Variants in NAALADL2 observed in about 807,000 individuals in gnomAD.
NAALADL2 encodes the protein N-acetylated alpha-linked acidic dipeptidase like 2.
A neutral mutation model predicts 87.2 loss-of-function variants in NAALADL2; 76 were observed. The ratio of observed to expected loss-of-function variants is 0.87; its 90% CI spans 0.72 to 1.05. The LOEUF is 1.05. Among genes scored for constraint, NAALADL2 ranks in the 50% least tolerant of loss-of-function variants. NAALADL2 has a pLI of 0.00. For missense variants in NAALADL2, 1,089 were observed against 945.8 expected (o/e 1.15, Z -1.99); for synonymous variants, 354 against 331.0 (o/e 1.07, Z -0.75).
At chr3:175,762,589 A>T (rs1297163297) in intron 13 of NAALADL2, among the ~76,000 whole-genome samples, 1 of 152,164 alleles carries the variant, frequency 6.6e-6, no homozygotes, top group Non-Finnish European at 1.5e-5. Context: ...GCTATTAACC[A>T]AGGGAGACAT....
intron 2 of NAALADL2, among the ~76,000 whole-genome samples, chr3:174,707,638 G>A (rs1730221857): frequency 7.6e-6 from 1 of 131,268 alleles, no homozygotes; most frequent in South Asian, 3.0e-4. Flanking sequence ...ACACACTGGG[G>A]CCTGTTGTGG....
chr3:175,111,754 A>G (rs1218306525), intron 2 of NAALADL2, among the ~76,000 whole-genome samples: 1 of 151,634 alleles, frequency 6.6e-6, no homozygotes. Context: ...TCAGACAGTC[A>G]GGAAAGGGAA....
intron 5 of NAALADL2, among the ~76,000 whole-genome samples, chr3:175,359,952 G>C (rs1325873973): frequency 6.6e-6 from 1 of 152,064 alleles, no homozygotes; most frequent in Non-Finnish European, 1.5e-5. Context: ...TTTTTTAACT[G>C]TATCTTTTCT....
At chr3:175,618,599 T>G (rs893332637) in intron 10 of NAALADL2, among the ~76,000 whole-genome samples, 1 of 152,150 alleles carries the variant, frequency 6.6e-6, no homozygotes, top group Non-Finnish European at 1.5e-5. Context: ...AGGTTGCTTA[T>G]TCATCTGGAA....
intron 9 of NAALADL2, among the ~76,000 whole-genome samples, chr3:175,518,894 T>C (rs1428294137): frequency 6.6e-6 from 1 of 152,224 alleles, no homozygotes; most frequent in Admixed American, 6.5e-5. Flanking sequence ...ACAAATTGTT[T>C]TAATATGTAT....
intron 3 of NAALADL2, among the ~76,000 whole-genome samples, chr3:174,744,517 A>G (rs1009790488): frequency 2.0e-5 from 3 of 152,108 alleles, no homozygotes; most frequent in Admixed American, 6.6e-5. Context: ...TTAACAGCCC[A>G]CTGTCAATAT....
At chr3:175,266,855 G>A (rs2109963069) in intron 4 of NAALADL2, among the ~76,000 whole-genome samples, 1 of 151,754 alleles carries the variant, frequency 6.6e-6, no homozygotes, top group Non-Finnish European at 1.5e-5. Context: ...GTACAACCTG[G>A]TGAAGGTATT....
At chr3:174,603,586 T>A (rs1718667313) in intron 2 of NAALADL2, among the ~76,000 whole-genome samples, 1 of 151,982 alleles carries the variant, frequency 6.6e-6, no homozygotes, top group African/African-American at 2.4e-5. Flanking sequence ...TATGTATTTT[T>A]TCCAATTTTA....
intron 5 of NAALADL2, among the ~76,000 whole-genome samples, chr3:175,423,056 T>A (rs865835654): frequency 0.019 from 786 of 41,518 alleles, 3 homozygotes; most frequent in Non-Finnish European, 0.038. Context: ...TATATATTTT[T>A]TTTTTTTCCT....
At chr3:174,910,553 A>G (rs1306777581) in intron 1 of NAALADL2, among the ~76,000 whole-genome samples, 1 of 152,062 alleles carries the variant, frequency 6.6e-6, no homozygotes, top group Non-Finnish European at 1.5e-5. Flanking sequence ...ATTTGGTTTT[A>G]AAATAGCAGG....
intron 5 of NAALADL2, among the ~76,000 whole-genome samples, chr3:175,401,995 T>C (rs1770621186): frequency 6.6e-6 from 1 of 152,088 alleles, no homozygotes; most frequent in Non-Finnish European, 1.5e-5. Flanking sequence ...CTAAGGCACT[T>C]ATATCTTCTC....
At chr3:174,996,004 G>A (rs73881589) in intron 1 of NAALADL2, among the ~76,000 whole-genome samples, 2,193 of 152,202 alleles carry the variant, frequency 0.014, 37 homozygotes, top group African/African-American at 0.05. Flanking sequence ...CACAGGTAAT[G>A]GAGTTGTTCC....
At position 175,597,198 on chromosome 3, in the gene NAALADL2, G is replaced by A. The variant is rs79851786; in HGVS notation, c.1800+21011G>A. Among the ~76,000 whole-genome samples the A allele has an allele frequency of 1.6e-3, 243 of 152,122 alleles. 1 individual carries two copies. Among genetic ancestry groups the A allele is most frequent in the African/African-American group, 5.4e-3 (223 of 41,552 alleles). On this transcript the variant is annotated intron_variant, in intron 10 of 13. Transcript: ENST00000454872. ...ACAACATATCTGAAATTCAAATAGA[G>A]TGAATGTTTATTTATCAACAATTCA...
chr3:175,672,600 G>T (rs1000069233), intron 11 of NAALADL2, among the ~76,000 whole-genome samples: 3 of 152,134 alleles, frequency 2.0e-5, no homozygotes, highest in Admixed American at 2.0e-4. Flanking sequence ...GCTAGCAATA[G>T]AAGAAGCAGC....
At chr3:175,739,733 T>C (rs1744988351) in intron 12 of NAALADL2, among the ~76,000 whole-genome samples, 1 of 152,264 alleles carries the variant, frequency 6.6e-6, no homozygotes, top group South Asian at 2.1e-4. Context: ...CAAACAGCAG[T>C]TAGATAAATA....
At chr3:175,213,251 T>A (rs147981660) in intron 2 of NAALADL2, among the ~76,000 whole-genome samples, 2 of 152,058 alleles carry the variant, frequency 1.3e-5, no homozygotes, top group Admixed American at 6.6e-5. Flanking sequence ...TAGATCAGAT[T>A]AGCAATGAAA....
chr3:175,434,468 A>G (rs1458893372), intron 5 of NAALADL2, among the ~76,000 whole-genome samples: 2 of 152,014 alleles, frequency 1.3e-5, no homozygotes, highest in Non-Finnish European at 2.9e-5. Flanking sequence ...TTATTCTAGC[A>G]ACATCTATAT....
intron 5 of NAALADL2, among the ~76,000 whole-genome samples, chr3:175,345,429 C>G (rs138412133): frequency 1.3e-5 from 2 of 152,154 alleles, no homozygotes; most frequent in Non-Finnish European, 2.9e-5. Flanking sequence ...CTAATATCAT[C>G]CATACAATAT....
intron 1 of NAALADL2, among the ~76,000 whole-genome samples, chr3:174,884,598 A>G (rs1729831091): frequency 6.6e-6 from 1 of 152,178 alleles, no homozygotes; most frequent in African/African-American, 2.4e-5. Context: ...TGTGCAGGAT[A>G]GGCAAATCCA....
Sources: allele counts gnomAD v4.1 joint callset (sites outside exome capture counted in the v4.1 genomes callset), GRCh38; gene constraint gnomAD v4.1.1; transcripts MANE v1.5; gene names NCBI Gene and HGNC (gene_info 2026-07-23, HGNC 2026-07-21).